The following LIMCH1 variants were observed in gnomAD, a reference collection of about 807,000 sequenced individuals.
LIMCH1 encodes LIM and calponin homology domains-containing protein 1.
A neutral mutation model predicts 176.5 loss-of-function variants in LIMCH1; 113 were observed. That is an observed-to-expected ratio of 0.64 (90% confidence interval 0.55 to 0.75). The LOEUF is 0.75. LIMCH1 is among the 30% of genes least tolerant of loss of function. The pLI is 0.00. For missense variants in LIMCH1, 1,674 were observed against 1,814.9 expected, an observed-to-expected ratio of 0.92 and a Z score of 1.41; for synonymous variants, 619 against 645.9, an observed-to-expected ratio of 0.96 and a Z score of 0.63.
intron 1 of LIMCH1, among the ~76,000 whole-genome samples, chr4:41,467,086 A>G (rs1254190281): frequency 6.6e-6 from 1 of 151,766 alleles, no homozygotes; most frequent in African/African-American, 2.4e-5. Flanking sequence ...CATCCATGTT[A>G]TAGTGTGGAT....
At chr4:41,588,282 G>C (rs1431781753) in intron 1 of LIMCH1, among the ~76,000 whole-genome samples, 1 of 152,144 alleles carries the variant, frequency 6.6e-6, no homozygotes, top group Non-Finnish European at 1.5e-5. Context: ...GGTGAAGTGA[G>C]GGGATTTAAA....
At chr4:41,528,919 T>C (rs1380433935) in intron 3 of LIMCH1, among the ~76,000 whole-genome samples, 1 of 152,238 alleles carries the variant, frequency 6.6e-6, no homozygotes, top group African/African-American at 2.4e-5. Flanking sequence ...AACAAAGTAG[T>C]TGAAAATCAT....
At chr4:41,470,459 C>T (rs1582740746) in intron 1 of LIMCH1, among the ~76,000 whole-genome samples, 1 of 152,322 alleles carries the variant, frequency 6.6e-6, no homozygotes, top group East Asian at 1.9e-4. Flanking sequence ...TCTTTCTCTA[C>T]TGGGTCATTC....
chr4:41,513,113 CA>C (rs2075131156), intron 2 of LIMCH1, among the ~76,000 whole-genome samples: 2 of 151,786 alleles, frequency 1.3e-5, no homozygotes, highest in Admixed American at 1.3e-4. Flanking sequence ...TTGTCTACTT[CA>C]AAAGAGATAT....
chr4:41,633,763 A>G lies in LIMCH1; in HGVS notation c.2045A>G (p.Gln682Arg). 6.5e-7 allele frequency: 1 copy of G among 1,536,160 alleles called. No homozygotes were observed. Among genetic ancestry groups the G allele is most frequent in the Non-Finnish European group, 8.7e-7 (1 of 1,146,892 alleles). Residue 682 changes from glutamine (Q) to arginine (R), a missense_variant, in exon 13 of 32, where the codon CAG (glutamine) becomes CGG (arginine). Transcript: ENST00000503057. ...CTTCCAGTTCCATTTGCAAAGCAAC[A>G]GGATGTGGAAGAATCTTCTAAAGGT... is the stretch of plus-strand genomic sequence containing the variant. ...QFLPVPFAKQ[Q>R]DVEESSKGLP...
intron 1 of LIMCH1, among the ~76,000 whole-genome samples, chr4:41,552,932 G>A (rs898246055): frequency 2.2e-4 from 33 of 152,090 alleles, no homozygotes; most frequent in African/African-American, 7.7e-4. Flanking sequence ...GAGGTGAGCT[G>A]TTTAAAAAAA....
chr4:41,657,932 A>C (rs1469833147), intron 18 of LIMCH1, among the ~76,000 whole-genome samples: 1 of 152,132 alleles, frequency 6.6e-6, no homozygotes, highest in Admixed American at 6.6e-5. Flanking sequence ...AGAGGAAAGA[A>C]AGGGAATGGA....
chr4:41,368,547 T>C (rs1030121727), intron 1 of LIMCH1, among the ~76,000 whole-genome samples: 7 of 152,158 alleles, frequency 4.6e-5, no homozygotes, highest in African/African-American at 1.7e-4. Context: ...AGATTTAAGC[T>C]AAGACCACGG....
At chr4:41,689,927 G>A (rs1724106901) in intron 30 of LIMCH1, among the ~76,000 whole-genome samples, 1 of 152,178 alleles carries the variant, frequency 6.6e-6, no homozygotes, top group Non-Finnish European at 1.5e-5. Context: ...GGAGGATGAT[G>A]CTCTTCCAAA....
At chr4:41,665,135 T>C (rs2094778600) in intron 20 of LIMCH1, among the ~76,000 whole-genome samples, 3 of 152,188 alleles carry the variant, frequency 2.0e-5, no homozygotes, top group Non-Finnish European at 4.4e-5. Context: ...GGGCGAATGG[T>C]GGCCACTGTG....
Position 41,429,201 on chromosome 4 carries a change from T to G in LIMCH1, c.97-65335T>G, listed in dbSNP as rs1353782524. 2.0e-5 allele frequency among the ~76,000 whole-genome samples: 3 copies of G among 152,126 alleles called. No homozygotes were observed. In the East Asian group the frequency reaches 5.8e-4, roughly 29 times the overall value. Reference sequence around the variant, plus strand: ...TGTGCACCATTTTTTAATGCGTATGTTTTTGTTTTTTGGTTTGCTTTATTC... The same window carrying G: ...TGTGCACCATTTTTTAATGCGTATGGTTTTGTTTTTTGGTTTGCTTTATTC... On this transcript the variant is annotated intron_variant, in intron 1 of 26. Transcript: ENST00000313860.
intron 1 of LIMCH1, among the ~76,000 whole-genome samples, chr4:41,543,495 G>A (rs1457361691): frequency 2.6e-5 from 4 of 151,918 alleles, no homozygotes; most frequent in Admixed American, 1.3e-4. Context: ...CTAAACTTTC[G>A]GCCCATATTG....
chr4:41,437,447 A>G (rs548440551), intron 1 of LIMCH1, among the ~76,000 whole-genome samples: 2 of 152,386 alleles, frequency 1.3e-5, no homozygotes, highest in East Asian at 1.9e-4. Flanking sequence ...TGACACTGAC[A>G]TATCATTAGG....
chr4:41,411,200 G>A (rs550047632), intron 1 of LIMCH1, among the ~76,000 whole-genome samples: 2 of 152,228 alleles, frequency 1.3e-5, no homozygotes, highest in Non-Finnish European at 2.9e-5. Flanking sequence ...TCCAGAGCCT[G>A]TGTTCTTAAG....
At chr4:41,588,532 T>C (rs955633121) in intron 1 of LIMCH1, among the ~76,000 whole-genome samples, 38 of 152,144 alleles carry the variant, frequency 2.5e-4, no homozygotes, top group African/African-American at 8.9e-4. Flanking sequence ...GAGCCAAGCA[T>C]TAGGGACTTA....
At chr4:41,680,274 A>G (rs1686319868) in intron 24 of LIMCH1, among the ~76,000 whole-genome samples, 176 bp downstream of exon 24, 1 of 152,230 alleles carries the variant, frequency 6.6e-6, no homozygotes, top group African/African-American at 2.4e-5. Context: ...AAAGACCACA[A>G]TTCCTCACAA....
chr4:41,582,192 A>C (rs193027780), intron 1 of LIMCH1, among the ~76,000 whole-genome samples: 1 of 152,306 alleles, frequency 6.6e-6, no homozygotes, highest in East Asian at 1.9e-4. Flanking sequence ...CTGCATGGTA[A>C]CTCATGGAAT....
In LIMCH1 at chr4:41,671,607, T is replaced by C. The variant is rs774580558; in HGVS notation, c.3438+13T>C. 1.0e-5 allele frequency: 16 copies of C among 1,542,142 alleles called. No homozygotes were observed. The highest frequency in any genetic ancestry group is 1.4e-5 in the Non-Finnish European group (16 of 1,115,044). On this transcript the variant is annotated intron_variant, in intron 22 of 31. Coordinates refer to ENST00000503057, the MANE Select transcript of LIMCH1 (RefSeq NM_001330672.2). ...TGTTATGACACCTGTAAGTCACTCA[T>C]TTTAAGGAATAAGATTATGAGTTAG...
chr4:41,461,449 G>GA (rs1561445376), intron 1 of LIMCH1, among the ~76,000 whole-genome samples: 1 of 152,170 alleles, frequency 6.6e-6, no homozygotes, highest in Non-Finnish European at 1.5e-5. Flanking sequence ...CTTTAAAAAA[G>GA]AAGAAGATAA....
Sources: gnomAD v4.1 joint callset for allele counts (sites outside exome capture counted in the v4.1 genomes callset) on GRCh38, gnomAD v4.1.1 for gene constraint, MANE v1.5 for transcripts, NCBI Gene and HGNC (gene_info 2026-07-23, HGNC 2026-07-21) for gene names.